Variants in NUDCD1 observed in about 807,000 individuals in gnomAD.
NUDCD1 encodes nudC domain-containing protein 1.
NUDCD1 carries 60 observed loss-of-function variants against 67.8 expected under a neutral mutation model. The ratio of observed to expected loss-of-function variants is 0.88; its 90% CI spans 0.72 to 1.10. NUDCD1 has a LOEUF of 1.10. Among genes scored for constraint, NUDCD1 ranks in the 50% least tolerant of loss-of-function variants. The pLI, the probability that NUDCD1 is intolerant of heterozygous loss-of-function variation, is 0.00. For synonymous variants in NUDCD1, 244 were observed against 230.8 expected, an observed-to-expected ratio of 1.06 and a Z score of -0.52; for missense variants, 643 against 695.0, an observed-to-expected ratio of 0.93 and a Z score of 0.84.
intron 5 of NUDCD1, among the ~76,000 whole-genome samples, chr8:109,285,072 G>T (rs1405499174): frequency 6.7e-6 from 1 of 150,326 alleles, no homozygotes; most frequent in African/African-American, 2.4e-5. Context: ...CAGAGAAAAT[G>T]GATAAATTCC....
At chr8:109,303,387 GCCAC>G in intron 2 of NUDCD1, among the ~76,000 whole-genome samples, 1 of 152,154 alleles carries the variant, frequency 6.6e-6, no homozygotes, top group South Asian at 2.1e-4. Flanking sequence ...CAATATGGAG[GCCAC>G]CCACTCCACA....
At chr8:109,289,954 A>T in intron 4 of NUDCD1, 21 bp from the exon 5 acceptor site, 1 of 1,133,400 alleles carries the variant, frequency 8.8e-7, no homozygotes, top group Non-Finnish European at 1.2e-6. Context: ...AGTATTTCAG[A>T]ACAAAACATT....
rs1815467336 is a variant in NUDCD1 at position 109,318,946 on chromosome 8, T to C, written c.273+3363A>G. Among the ~76,000 whole-genome samples the C allele has an allele frequency of 4.1e-5, 6 of 145,600 alleles. No homozygotes were observed. In the South Asian group the frequency reaches 1.3e-3, roughly 32 times the overall value. On this transcript the variant is annotated intron_variant, in intron 2 of 9. Transcript: ENST00000239690. The stretch of plus-strand genomic sequence containing the variant: ...AAACTATAGTCCACAGGCCAATTCC[T>C]GCCCATTTTATGTTTTTTTTTTTTT...
At chr8:109,316,531 A>G (rs1458570347) in intron 2 of NUDCD1, 1 of 152,248 alleles carries the variant, frequency 6.6e-6, no homozygotes, top group Non-Finnish European at 1.5e-5. Flanking sequence ...AAGAAAACAA[A>G]AAAAATTATT....
chr8:109,306,206 T>C (rs1010318327), intron 2 of NUDCD1, among the ~76,000 whole-genome samples: 4 of 152,184 alleles, frequency 2.6e-5, no homozygotes, highest in Non-Finnish European at 5.9e-5. Flanking sequence ...CTAGCCCCAA[T>C]CCACCACTCT....
intron 1 of NUDCD1, among the ~76,000 whole-genome samples, chr8:109,333,479 AG>A (rs1267093483): frequency 6.6e-5 from 10 of 152,228 alleles, no homozygotes; most frequent in African/African-American, 2.4e-4. Flanking sequence ...CAGAGGAAAC[AG>A]GAACTGGGGG....
At chr8:109,301,127 C>A (rs1239586007) in intron 2 of NUDCD1, among the ~76,000 whole-genome samples, 2 of 152,180 alleles carry the variant, frequency 1.3e-5, no homozygotes, top group African/African-American at 2.4e-5. Context: ...GTGACCTGCA[C>A]GTATGCATCC....
chr8:109,246,495 T>G lies in NUDCD1; in HGVS notation c.1300-1014A>C, dbSNP rs1813499774. ...TTAAACGTACTGCTTAATTAAAGTA[T>G]CAATGTCAATATGTCAATAATGTCA... On this transcript the variant is annotated intron_variant, in intron 8 of 9. Transcript: ENST00000239690. Among the ~76,000 whole-genome samples the G allele has an allele frequency of 5.9e-5, 9 of 152,312 alleles. 1 individual carries two copies. The South Asian group carries it at 1.9e-3, about 32-fold the overall frequency.
chr8:109,329,630 A>G (rs1815757884), intron 1 of NUDCD1, among the ~76,000 whole-genome samples: 1 of 152,208 alleles, frequency 6.6e-6, no homozygotes, highest in South Asian at 2.1e-4. Context: ...ACAGAAGGGT[A>G]CAAGGAAACT....
chr8:109,274,731 C>T lies in NUDCD1; in HGVS notation c.1173+621G>A, dbSNP rs2129963417. Among the ~76,000 whole-genome samples the T allele has an allele frequency of 2.0e-5, 3 of 152,114 alleles. No homozygotes were observed. In the Middle Eastern group the frequency reaches 0.01, roughly 517 times the overall value. On this transcript the variant is annotated intron_variant, in intron 7 of 9. Coordinates refer to ENST00000239690, the MANE Select transcript of NUDCD1 (RefSeq NM_032869.4). The stretch of plus-strand genomic sequence containing the variant: ...TCCTCATCTCTATAATTCAAGATGG[C>T]AATAAACCAGACATCTTTCATATGC...
chr8:109,268,878 G>A (rs1333667082), intron 8 of NUDCD1, among the ~76,000 whole-genome samples: 2 of 152,082 alleles, frequency 1.3e-5, no homozygotes, highest in Non-Finnish European at 2.9e-5. Flanking sequence ...AATCATGTAT[G>A]GGATTATGTC....
intron 1 of NUDCD1, among the ~76,000 whole-genome samples, chr8:109,323,831 G>A (rs1333220861): frequency 6.6e-6 from 1 of 152,052 alleles, no homozygotes; most frequent in Non-Finnish European, 1.5e-5. Flanking sequence ...CATACACTGG[G>A]AAAAGGATAC....
intron 2 of NUDCD1, among the ~76,000 whole-genome samples, chr8:109,301,754 T>C (rs1445498432): frequency 2.6e-5 from 4 of 152,198 alleles, no homozygotes; most frequent in Admixed American, 6.5e-5. Flanking sequence ...TCCTCTCTAA[T>C]AGAGACAAAA....
chr8:109,301,590 C>G (rs148747714), intron 2 of NUDCD1, among the ~76,000 whole-genome samples: 18 of 152,320 alleles, frequency 1.2e-4, no homozygotes, highest in African/African-American at 4.3e-4. Context: ...CCTACGACCT[C>G]GGGTCCTCAG....
chr8:109,249,200 A>G (rs567923390), intron 8 of NUDCD1, among the ~76,000 whole-genome samples: 3 of 152,306 alleles, frequency 2.0e-5, no homozygotes, highest in African/African-American at 4.8e-5. Context: ...AAAGAACTTA[A>G]TAAGTGTTCA....
chr8:109,319,900 A>C (rs985376511), intron 2 of NUDCD1, among the ~76,000 whole-genome samples: 6 of 152,202 alleles, frequency 3.9e-5, no homozygotes, highest in African/African-American at 1.4e-4. Context: ...GAAATTTTAA[A>C]GCCGGGCATC....
Position 109,293,367 on chromosome 8 carries a change from A to C in NUDCD1, c.617T>G (p.Val206Gly). 6.4e-7 allele frequency: 1 copy of C among 1,571,046 alleles called. No homozygotes were observed. The highest frequency in any genetic ancestry group is 1.2e-5 in the South Asian group (1 of 84,326). ...GSGFYVSLEW[V>G]TISKKNQDNK... ...ACCTTGATTTTTCTTACTGATAGTGACCCACTCCAGAGAAACATAGAAACC... is the reference window on the plus strand; with the variant it reads ...ACCTTGATTTTTCTTACTGATAGTGCCCCACTCCAGAGAAACATAGAAACC... Residue 206 changes from valine (V) to glycine (G), a missense_variant, in exon 4 of 10, where the codon GTC becomes GGC. Val to Gly is a moderately radical substitution (Grantham distance 109). Coordinates refer to ENST00000239690, the MANE Select transcript of NUDCD1 (RefSeq NM_032869.4).
chr8:109,283,848 T>C (rs539571371), intron 5 of NUDCD1, among the ~76,000 whole-genome samples: 12 of 152,264 alleles, frequency 7.9e-5, no homozygotes, highest in African/African-American at 2.9e-4. Flanking sequence ...CCATAGTCCC[T>C]GTAAAGCAAC....
chr8:109,261,695 A>G (rs1325521283), intron 8 of NUDCD1, among the ~76,000 whole-genome samples: 6 of 152,100 alleles, frequency 3.9e-5, no homozygotes, highest in Non-Finnish European at 5.9e-5. Context: ...ACATTGATTC[A>G]TTGTTTATTT....
Sources: allele counts gnomAD v4.1 joint callset (sites outside exome capture counted in the v4.1 genomes callset), GRCh38; gene constraint gnomAD v4.1.1; transcripts MANE v1.5; gene names NCBI Gene and HGNC (gene_info 2026-07-23, HGNC 2026-07-21).